The following TMOD3 variants were observed in gnomAD, a reference collection of about 807,000 sequenced individuals.
TMOD3 encodes tropomodulin-3.
In TMOD3, 20 loss-of-function variants were observed where a neutral mutation model predicts 39.2. The ratio of observed to expected loss-of-function variants is 0.51; its 90% confidence interval spans 0.36 to 0.74. The LOEUF is 0.74. TMOD3 is among the 30% of genes least tolerant of loss of function. TMOD3 has a pLI of 0.00. For missense variants in TMOD3, 381 were observed against 412.8 expected, an observed-to-expected ratio of 0.92 and a Z score of 0.67; for synonymous variants, 143 against 145.8, an observed-to-expected ratio of 0.98 and a Z score of 0.14.
chr15:51,905,081 C>T (rs1338054150), intron 9 of TMOD3, among the ~76,000 whole-genome samples: 1 of 152,228 alleles, frequency 6.6e-6, no homozygotes, highest in Non-Finnish European at 1.5e-5. Context: ...TGAGAGCAAG[C>T]AAGTTATTTA....
In TMOD3 at chr15:51,830,162, C is replaced by T. The variant is rs1267980833; in HGVS notation, c.-75+326C>T. 2.0e-5 allele frequency among the ~76,000 whole-genome samples: 3 copies of T among 152,148 alleles called. No individual in the cohort carries two copies. In the East Asian group the frequency reaches 5.8e-4, roughly 29 times the overall value. On this transcript the variant is annotated intron_variant, in intron 1 of 9. Transcript: ENST00000308580. ...CCGCTGAGCCGCGGCCGAGCTGGCT[C>T]CCTGCACCCTACCCAGCGTCGCCGG...
intron 9 of TMOD3, among the ~76,000 whole-genome samples, chr15:51,902,481 AT>A (rs578003680): frequency 1.9e-4 from 29 of 151,658 alleles, no homozygotes; most frequent in Admixed American, 3.9e-4. Context: ...TTTGTTGTTG[AT>A]TTTTTTTGAG....
At chr15:51,863,290 A>G (rs1245075009) in intron 2 of TMOD3, among the ~76,000 whole-genome samples, 1 of 152,190 alleles carries the variant, frequency 6.6e-6, no homozygotes, top group Non-Finnish European at 1.5e-5. Flanking sequence ...GCAGGAAGGG[A>G]TATTTTTAGT....
chr15:51,859,234 C>T, intron 1 of TMOD3: 1 of 741,972 alleles, frequency 1.3e-6, no homozygotes, highest in South Asian at 1.3e-5. Flanking sequence ...GATGCCTCTG[C>T]TGACTCTCCC....
intron 8 of TMOD3, among the ~76,000 whole-genome samples, chr15:51,900,839 AT>A (rs1048623118): frequency 4.6e-5 from 7 of 152,160 alleles, no homozygotes; most frequent in African/African-American, 1.4e-4. Context: ...CATGTTTTTC[AT>A]TTTTTTATTG....
chr15:51,887,656 A>G lies in TMOD3; in HGVS notation c.351A>G (p.Pro117=). 11 of 1,614,066 alleles carry G rather than the reference A, an allele frequency of 6.8e-6. No homozygotes were observed. Among genetic ancestry groups the G allele is most frequent in the Non-Finnish European group, 9.3e-6 (11 of 1,179,992 alleles). The change falls in exon 4 of 10, where the codon CCA becomes CCG. Residue 117 remains proline, a synonymous_variant. Coordinates refer to ENST00000308580, the MANE Select transcript of TMOD3 (RefSeq NM_014547.5). ...TFTEEKVSLD[P]ELEEALTSAS... ...CAGAAGAAAAAGTGTCTCTTGATCC[A>G]GAATTAGAAGAAGCTTTGACAAGTG...
chr15:51,861,515 C>T (rs2056418741), intron 1 of TMOD3, among the ~76,000 whole-genome samples: 1 of 151,290 alleles, frequency 6.6e-6, no homozygotes, highest in South Asian at 2.1e-4. Context: ...AAAAAACATA[C>T]TAAAATATTA....
chr15:51,862,180 A>G (rs2056422771), intron 1 of TMOD3, among the ~76,000 whole-genome samples: 1 of 152,190 alleles, frequency 6.6e-6, no homozygotes. Flanking sequence ...TCCCACAGTC[A>G]GACCCTCCCA....
chr15:51,840,831 T>C (rs1170893242), intron 1 of TMOD3, among the ~76,000 whole-genome samples: 2 of 152,244 alleles, frequency 1.3e-5, no homozygotes, highest in Admixed American at 1.3e-4. Context: ...CCCACACTTT[T>C]GTGTTTTGGT....
At chr15:51,878,374 A>ATG (rs1445627118) in intron 3 of TMOD3, among the ~76,000 whole-genome samples, 1 of 80,766 alleles carries the variant, frequency 1.2e-5, no homozygotes, top group East Asian at 5.3e-4. Context: ...TCTTTAAAAT[A>ATG]TATGTGTGTG....
At chr15:51,907,020 CAAA>C (rs11419380) in intron 9 of TMOD3, among the ~76,000 whole-genome samples, 5 of 116,038 alleles carry the variant, frequency 4.3e-5, no homozygotes, top group Admixed American at 1.8e-4. Context: ...AACTCCGTCT[CAAA>C]AAAAAAAAAA....
At chr15:51,902,157 C>G in intron 9 of TMOD3, 121 bp downstream of exon 9, 1 of 1,152,930 alleles carries the variant, frequency 8.7e-7, no homozygotes, top group East Asian at 2.5e-5. Context: ...TTTCTAAAAT[C>G]TGCATGGTCC....
In TMOD3 at chr15:51,834,086, T is replaced by G. The variant is rs547107987; in HGVS notation, c.-75+4250T>G. On this transcript the variant is annotated intron_variant, in intron 1 of 9. Coordinates refer to ENST00000308580, the MANE Select transcript of TMOD3 (RefSeq NM_014547.5). ...TAATTGGCTATGCAGTATCTTTTTT[T>G]GTGAATTGTTTGTTCAAGTCTTACC... is the stretch of plus-strand genomic sequence containing the variant. Among the ~76,000 whole-genome samples the G allele has an allele frequency of 2.0e-5, 3 of 152,352 alleles. No individual in the cohort carries two copies. In the South Asian group the frequency reaches 6.2e-4, roughly 32 times the overall value.
At chr15:51,900,459 C>G (rs1219374756) in intron 8 of TMOD3, among the ~76,000 whole-genome samples, 161 bp downstream of exon 8, 1 of 152,154 alleles carries the variant, frequency 6.6e-6, no homozygotes, top group African/African-American at 2.4e-5. Context: ...AGAATATTAA[C>G]TCAGTGTATA....
intron 1 of TMOD3, chr15:51,860,280 G>T: frequency 1.9e-6 from 1 of 526,116 alleles, no homozygotes. Flanking sequence ...ATGAAATTCT[G>T]CACCTTAAAT....
chr15:51,892,838 G>A (rs2141703023), intron 5 of TMOD3, among the ~76,000 whole-genome samples: 1 of 152,118 alleles, frequency 6.6e-6, no homozygotes, highest in African/African-American at 2.4e-5. Flanking sequence ...AAAACAAATG[G>A]CATCATCAAC....
intron 3 of TMOD3, among the ~76,000 whole-genome samples, chr15:51,877,938 C>A (rs1465411974): frequency 6.6e-6 from 1 of 152,016 alleles, no homozygotes; most frequent in East Asian, 1.9e-4. Context: ...CATACATGTA[C>A]CAGTCGGTGC....
chr15:51,855,601 ATTGT>A, intron 1 of TMOD3, among the ~76,000 whole-genome samples: 1 of 152,202 alleles, frequency 6.6e-6, no homozygotes, highest in Non-Finnish European at 1.5e-5. Context: ...TACAATGCAA[ATTGT>A]TTTTTACTTT....
At chr15:51,860,442 T>C in intron 1 of TMOD3, 1 of 559,100 alleles carries the variant, frequency 1.8e-6, no homozygotes, top group Non-Finnish European at 3.6e-6. Flanking sequence ...CATCCTAAAG[T>C]AGTCTTGATA....
Sources: allele counts gnomAD v4.1 joint callset (sites outside exome capture counted in the v4.1 genomes callset), GRCh38; gene constraint gnomAD v4.1.1; transcripts MANE v1.5; gene names NCBI Gene and HGNC (gene_info 2026-07-23, HGNC 2026-07-21).